Variants in BCL2L13 observed in about 807,000 individuals in gnomAD.
BCL2L13 encodes BCL2 like 13.
Under a neutral mutation model 25.8 loss-of-function variants are expected in BCL2L13, and 13 were observed. The ratio of observed to expected loss-of-function variants is 0.50; its 90% CI spans 0.33 to 0.80. BCL2L13 has a LOEUF of 0.80. BCL2L13 is among the 30% of genes least tolerant of loss of function. The pLI, the probability that BCL2L13 is intolerant of heterozygous loss-of-function variation, is 0.02. For synonymous variants in BCL2L13, 244 were observed against 230.3 expected, an observed-to-expected ratio of 1.06 and a Z score of -0.54; for missense variants, 504 against 574.9, an observed-to-expected ratio of 0.88 and a Z score of 1.26.
chr22:17,639,487 C>T (rs151202375), intron 1 of BCL2L13, among the ~76,000 whole-genome samples: 1 of 152,310 alleles, frequency 6.6e-6, no homozygotes, highest in East Asian at 1.9e-4. Flanking sequence ...CTGTAAAGAT[C>T]CTATTTCTTG....
At chr22:17,650,773 T>C (rs1428164528) in intron 1 of BCL2L13, among the ~76,000 whole-genome samples, 1 of 151,890 alleles carries the variant, frequency 6.6e-6, no homozygotes, top group Non-Finnish European at 1.5e-5. Context: ...AGTGGTGCAG[T>C]CCAGGCTCAC....
chr22:17,665,463 A>G (rs1428886533), intron 2 of BCL2L13, among the ~76,000 whole-genome samples: 2 of 152,010 alleles, frequency 1.3e-5, no homozygotes, highest in African/African-American at 4.8e-5. Context: ...CCCATTTCCA[A>G]AGTTGCTTCA....
chr22:17,665,866 C>A (rs746081764), intron 2 of BCL2L13, among the ~76,000 whole-genome samples: 8 of 151,962 alleles, frequency 5.3e-5, no homozygotes, highest in Non-Finnish European at 1.2e-4. Flanking sequence ...GTTTGTTTAT[C>A]GAGTCACCTT....
intron 1 of BCL2L13, among the ~76,000 whole-genome samples, chr22:17,632,381 C>T (rs530150342): frequency 6.6e-6 from 1 of 152,234 alleles, no homozygotes; most frequent in Admixed American, 6.5e-5. Context: ...TGCAATTGAC[C>T]TTAACTTGAT....
intron 1 of BCL2L13, among the ~76,000 whole-genome samples, chr22:17,644,999 C>T (rs894137573): frequency 1.3e-5 from 2 of 148,548 alleles, no homozygotes; most frequent in South Asian, 4.2e-4. Flanking sequence ...TTAGTAGAGA[C>T]GAGGTTTCAC....
At chr22:17,650,986 C>T in intron 1 of BCL2L13, among the ~76,000 whole-genome samples, 2 of 138,772 alleles carry the variant, frequency 1.4e-5, no homozygotes, top group East Asian at 4.5e-4. Flanking sequence ...GTCGTCCATT[C>T]ACTCCTTTTT....
intron 1 of BCL2L13, among the ~76,000 whole-genome samples, chr22:17,644,289 A>G (rs2058394734): frequency 1.3e-5 from 2 of 149,188 alleles, no homozygotes; most frequent in Admixed American, 6.7e-5. Context: ...ATAAACTGGG[A>G]TTATAGTTGT....
chr22:17,659,079 A>T (rs1202843614), intron 2 of BCL2L13, among the ~76,000 whole-genome samples: 1 of 139,564 alleles, frequency 7.2e-6, no homozygotes, highest in African/African-American at 2.5e-5. Context: ...AAAAAAAAAA[A>T]AAAAGGCCAG....
chr22:17,723,229 A>G (rs1190128358), intron 6 of BCL2L13, among the ~76,000 whole-genome samples: 2 of 152,028 alleles, frequency 1.3e-5, no homozygotes, highest in East Asian at 3.9e-4. Context: ...GGACCATTCC[A>G]GTGGTCCTTA....
chr22:17,682,791 C>T (rs2059794618), intron 2 of BCL2L13, among the ~76,000 whole-genome samples: 1 of 152,130 alleles, frequency 6.6e-6, no homozygotes. Flanking sequence ...TTCCTCCCGT[C>T]CCTAATTTTG....
chr22:17,675,507 GGTT>G (rs1308120516), intron 2 of BCL2L13, among the ~76,000 whole-genome samples: 1 of 152,144 alleles, frequency 6.6e-6, no homozygotes, highest in East Asian at 1.9e-4. Flanking sequence ...TTTTCAGCCT[GGTT>G]GTTATTTCTG....
At chr22:17,640,327 A>AT (rs1293720748) in intron 1 of BCL2L13, among the ~76,000 whole-genome samples, 4 of 151,976 alleles carry the variant, frequency 2.6e-5, no homozygotes, top group African/African-American at 9.7e-5. Flanking sequence ...CCAATGGCTC[A>AT]TTTTTTATGT....
In BCL2L13 at chr22:17,727,302, T is replaced by C. The variant is rs765529732; in HGVS notation, c.1226T>C (p.Leu409Pro). The C allele has an allele frequency of 2.5e-6, 4 of 1,614,192 alleles. No homozygotes were observed. The highest frequency in any genetic ancestry group is 1.7e-5 in the Admixed American group (1 of 60,024). Residue 409 changes from leucine to proline, a missense_variant, in exon 7 of 7, where the codon CTG (leucine) becomes CCG (proline). Coordinates refer to ENST00000317582, the MANE Select transcript of BCL2L13 (RefSeq NM_015367.4). Reference protein sequence around the residue: ...VPALEPTETLLSEKEINAREE... With the variant: ...VPALEPTETLPSEKEINAREE... ...GCACTGGAACCCACAGAAACGCTGC[T>C]GAGTGAGAAGGAGATAAACGCAAGG...
At chr22:17,695,169 G>A (rs2060226553) in intron 4 of BCL2L13, among the ~76,000 whole-genome samples, 1 of 152,186 alleles carries the variant, frequency 6.6e-6, no homozygotes, top group South Asian at 2.1e-4. Context: ...CTTCAGCCAG[G>A]AAGTGGCACC....
At chr22:17,646,956 T>TATATATATATA (rs1491502012) in intron 1 of BCL2L13, among the ~76,000 whole-genome samples, 2 of 14,414 alleles carry the variant, frequency 1.4e-4, no homozygotes, top group Non-Finnish European at 2.5e-4. Flanking sequence ...TATATATATA[T>TATATATATATA]TTTTTTTTTT....
intron 6 of BCL2L13, among the ~76,000 whole-genome samples, chr22:17,725,661 C>G (rs1187782247): frequency 6.6e-6 from 1 of 152,102 alleles, no homozygotes; most frequent in African/African-American, 2.4e-5. Context: ...CAAGGTCTTG[C>G]CTTTGTTTTC....
chr22:17,721,896 G>A (rs1182281701), intron 6 of BCL2L13, among the ~76,000 whole-genome samples: 2 of 151,976 alleles, frequency 1.3e-5, no homozygotes, highest in East Asian at 1.9e-4. Context: ...TCCTGACCTC[G>A]TGATCTGCCC....
chr22:17,688,863 G>A, intron 3 of BCL2L13, 123 bp from the exon 4 acceptor site: 2 of 906,882 alleles, frequency 2.2e-6, no homozygotes, highest in Non-Finnish European at 3.1e-6. Flanking sequence ...TGCCTCCTGG[G>A]TTCAAGTGAT....
intron 2 of BCL2L13, among the ~76,000 whole-genome samples, chr22:17,674,605 CAAAAAA>C (rs71201865): frequency 8.0e-6 from 1 of 125,214 alleles, no homozygotes; most frequent in Non-Finnish European, 1.7e-5. Context: ...GACTCTGTCT[CAAAAAA>C]AAAAAAAAAA....
Sources: allele counts gnomAD v4.1 joint callset (sites outside exome capture counted in the v4.1 genomes callset), GRCh38; gene constraint gnomAD v4.1.1; transcripts MANE v1.5; gene names NCBI Gene and HGNC (gene_info 2026-07-23, HGNC 2026-07-21).